DAAM2: variants seen among roughly 807,000 people sequenced by gnomAD.
The protein encoded by DAAM2 is dishevelled associated activator of morphogenesis 2, also known as disheveled-associated activator of morphogenesis 2.
A neutral mutation model predicts 120.7 loss-of-function variants in DAAM2; 39 were observed. The ratio of observed to expected loss-of-function variants is 0.32; its 90% CI spans 0.25 to 0.42. The LOEUF (loss-of-function observed/expected upper bound fraction) is 0.42. DAAM2 is among the 10% of genes least tolerant of loss of function. The pLI, the probability that DAAM2 is intolerant of heterozygous loss-of-function variation, is 1.00. For missense variants in DAAM2, 1,283 were observed against 1,401.7 expected (o/e 0.92, Z 1.35); for synonymous variants, 488 against 524.9 (o/e 0.93, Z 0.96).
chr6:39,888,368 AC>A (rs1389322791), intron 16 of DAAM2: 3 of 194,058 alleles, frequency 1.5e-5, no homozygotes, highest in Non-Finnish European at 3.1e-5. Flanking sequence ...AGGATCAGGA[AC>A]CCTTTGCCCT....
Position 39,901,249 on chromosome 6 carries a change from A to G in DAAM2, c.2812-53A>G, listed in dbSNP as rs1345880273. 19 of 1,536,328 alleles carry G rather than the reference A, an allele frequency of 1.2e-5. No homozygotes were observed. Among genetic ancestry groups the G allele is most frequent in the Non-Finnish European group, 1.3e-5 (15 of 1,121,588 alleles). ...AGAACCCAGCTAACCTCAGGGGCTG[A>G]GCCCAGCATGCTCCAGGGCACTCTC... On this transcript the variant is annotated intron_variant, in intron 23 of 24. Transcript: ENST00000274867. The surrounding 1 kb of genome is among the most constrained non-coding windows in gnomAD (Gnocchi z 4.5).
At chr6:39,855,901 G>A (rs955110170) in intron 1 of DAAM2, 12 of 335,442 alleles carry the variant, frequency 3.6e-5, no homozygotes, top group East Asian at 1.7e-4. Flanking sequence ...ATAGGAGCCC[G>A]TCCACACATT....
chr6:39,810,468 C>A (rs1561997157), intron 1 of DAAM2, among the ~76,000 whole-genome samples: 1 of 152,204 alleles, frequency 6.6e-6, no homozygotes, highest in Non-Finnish European at 1.5e-5. Context: ...TCTTCCCAGA[C>A]CCCTGGTTGC....
At chr6:39,871,326 C>A (rs1423736542) in intron 8 of DAAM2, among the ~76,000 whole-genome samples, 180 bp from the exon 9 acceptor site, 2 of 152,144 alleles carry the variant, frequency 1.3e-5, no homozygotes, top group Non-Finnish European at 2.9e-5. Context: ...GTCATGGGAT[C>A]TTATAAAGGG....
chr6:39,871,257 C>T (rs1003672735), intron 8 of DAAM2, among the ~76,000 whole-genome samples: 1 of 152,052 alleles, frequency 6.6e-6, no homozygotes, highest in Non-Finnish European at 1.5e-5. Flanking sequence ...TCAGTAGTGC[C>T]GAAGTATAGA....
At chr6:39,860,861 C>A in intron 2 of DAAM2, 67 bp from the exon 3 acceptor site, 1 of 1,273,782 alleles carries the variant, frequency 7.9e-7, no homozygotes, top group Non-Finnish European at 1.1e-6. Flanking sequence ...TAATTTCCTG[C>A]AGGGCTGACT....
chr6:39,835,510 T>C (rs1763068809), intron 1 of DAAM2, among the ~76,000 whole-genome samples: 1 of 152,188 alleles, frequency 6.6e-6, no homozygotes, highest in Admixed American at 6.5e-5. Context: ...CTCTCTTCTT[T>C]AGCCTGCAGG....
chr6:39,875,250 G>T, intron 10 of DAAM2, 80 bp from the exon 11 acceptor site: 1 of 1,496,560 alleles, frequency 6.7e-7, no homozygotes, highest in Non-Finnish European at 9.1e-7. Context: ...TCACCAGCCA[G>T]ACCCCAGGCA....
chr6:39,845,757 T>A (rs920045593), intron 1 of DAAM2, among the ~76,000 whole-genome samples: 45 of 152,060 alleles, frequency 3.0e-4, no homozygotes, highest in Non-Finnish European at 4.1e-4. Context: ...TCCCTCCCGA[T>A]GCTTTGTCCT....
At chr6:39,877,613 C>T (rs779014176) in intron 11 of DAAM2, among the ~76,000 whole-genome samples, 2 of 152,186 alleles carry the variant, frequency 1.3e-5, no homozygotes, top group African/African-American at 4.8e-5. Flanking sequence ...CTTGGGATCT[C>T]GCTTTGGGAT....
chr6:39,858,598 A>G (rs1235819462), intron 2 of DAAM2, among the ~76,000 whole-genome samples: 1 of 152,204 alleles, frequency 6.6e-6, no homozygotes. Flanking sequence ...CTTTCTGTAC[A>G]TCAGTTTCCT....
At chr6:39,850,404 C>T (rs1302148353) in intron 1 of DAAM2, among the ~76,000 whole-genome samples, 2 of 152,132 alleles carry the variant, frequency 1.3e-5, no homozygotes, top group African/African-American at 4.8e-5. Context: ...CAGGGCTGCC[C>T]AAACACCTCG....
intron 9 of DAAM2, 34 bp downstream of exon 9, chr6:39,871,606 G>C: frequency 6.5e-7 from 1 of 1,538,036 alleles, no homozygotes; most frequent in South Asian, 1.2e-5. Context: ...GATTGCAATG[G>C]GGTAGTAGGG....
intron 2 of DAAM2, among the ~76,000 whole-genome samples, chr6:39,860,171 T>G (rs532938237): frequency 6.6e-6 from 1 of 152,266 alleles, no homozygotes; most frequent in African/African-American, 2.4e-5. Context: ...CTAAAATACC[T>G]ATGGAGTTAC....
chr6:39,904,731 C>T lies in DAAM2; in HGVS notation c.*2694C>T, dbSNP rs886469424. The T allele has an allele frequency of 4.4e-6, 2 of 453,980 alleles. No individual in the cohort carries two copies. The highest frequency in any genetic ancestry group is 8.8e-6 in the Non-Finnish European group (2 of 226,784). The allele number at this position is 453,980 out of a possible 1,614,324, so 28.1% of individuals were successfully genotyped here. A position where few individuals can be genotyped will look rare whatever the true frequency, so the allele number is the denominator to read the frequency against. On this transcript the variant is annotated 3_prime_UTR_variant, in exon 25 of 25. Coordinates refer to ENST00000274867, the MANE Select transcript of DAAM2 (RefSeq NM_001201427.2). ...ACTTCTACCAGGGATGCCTTCACGC[C>T]AAGGCTGTTCTCACCAGCTGCCTCA... is the stretch of plus-strand genomic sequence containing the variant.
At chr6:39,882,835 C>T (rs1008282909) in intron 14 of DAAM2, among the ~76,000 whole-genome samples, 17 of 152,118 alleles carry the variant, frequency 1.1e-4, no homozygotes, top group African/African-American at 3.6e-4. Context: ...AGCTTCCCAG[C>T]CGGCATTCCA....
At chr6:39,871,626 GC>G in intron 9 of DAAM2, 54 bp downstream of exon 9, 1 of 1,487,840 alleles carries the variant, frequency 6.7e-7, no homozygotes, top group Non-Finnish European at 9.1e-7. Flanking sequence ...GTTCTTGGTG[GC>G]CCCACAGCCA....
intron 22 of DAAM2, 73 bp from the exon 23 acceptor site, chr6:39,900,004 G>A (rs1766377188): frequency 6.7e-7 from 1 of 1,496,370 alleles, no homozygotes; most frequent in Non-Finnish European, 9.0e-7. Flanking sequence ...GTGACGAGGG[G>A]AGATGTGGTG....
intron 1 of DAAM2, among the ~76,000 whole-genome samples, chr6:39,847,375 C>T (rs991660519): frequency 6.6e-6 from 1 of 152,090 alleles, no homozygotes; most frequent in Non-Finnish European, 1.5e-5. Context: ...TTTCCCTGCG[C>T]CTTTCAGTAA....
Sources: gnomAD v4.1 joint callset for allele counts (sites outside exome capture counted in the v4.1 genomes callset) on GRCh38, gnomAD v4.1.1 for gene constraint, Gnocchi (gnomAD v3.1) non-coding constraint, MANE v1.5 for transcripts, NCBI Gene and HGNC (gene_info 2026-07-23, HGNC 2026-07-21) for gene names.